CTNNA3: variants seen among roughly 807,000 people sequenced by gnomAD.
CTNNA3 encodes the protein catenin alpha-3.
In CTNNA3, 76 loss-of-function variants were observed where a neutral mutation model predicts 95.7. The observed-to-expected ratio is 0.79, with a 90% confidence interval of 0.66 to 0.96. CTNNA3 has a LOEUF of 0.96. Among genes scored for constraint, CTNNA3 ranks in the 40% least tolerant of loss-of-function variants. The pLI, the probability that CTNNA3 is intolerant of heterozygous loss-of-function variation, is 0.00. For synonymous variants in CTNNA3, 431 were observed against 374.4 expected (o/e 1.15, Z -1.74); for missense variants, 1,191 against 1,089.8 (o/e 1.09, Z -1.31).
intron 5 of CTNNA3, among the ~76,000 whole-genome samples, chr10:67,223,153 CAG>C (rs1263980581): frequency 6.6e-6 from 1 of 152,124 alleles, no homozygotes; most frequent in Non-Finnish European, 1.5e-5. Context: ...GGGCAGGTGG[CAG>C]AGTTTATGTA....
chr10:66,609,774 T>C (rs1175194587), intron 10 of CTNNA3, among the ~76,000 whole-genome samples: 1 of 152,094 alleles, frequency 6.6e-6, no homozygotes, highest in African/African-American at 2.4e-5. Context: ...ATATAAGTCA[T>C]TCTATCATAA....
chr10:67,066,468 G>T (rs552547835), intron 7 of CTNNA3, among the ~76,000 whole-genome samples: 1 of 150,906 alleles, frequency 6.6e-6, no homozygotes, highest in African/African-American at 2.4e-5. Flanking sequence ...TAGAATTGTA[G>T]GTGTGAACCA....
chr10:66,856,859 G>A (rs994548107), intron 7 of CTNNA3, among the ~76,000 whole-genome samples: 1 of 151,946 alleles, frequency 6.6e-6, no homozygotes, highest in Non-Finnish European at 1.5e-5. Context: ...CAGGTTGTCT[G>A]TTTACTCTTT....
intron 15 of CTNNA3, among the ~76,000 whole-genome samples, chr10:65,993,983 C>G (rs940836660): frequency 6.6e-6 from 1 of 152,156 alleles, no homozygotes; most frequent in Non-Finnish European, 1.5e-5. Context: ...ATCTGCCCAC[C>G]TCAGCCTCCC....
chr10:67,301,263 G>T (rs1378628640), intron 5 of CTNNA3, among the ~76,000 whole-genome samples: 1 of 152,096 alleles, frequency 6.6e-6, no homozygotes, highest in East Asian at 1.9e-4. Context: ...AGAAGCCAGG[G>T]ACTCCACAAT....
chr10:66,942,116 T>C (rs1848029919), intron 7 of CTNNA3, among the ~76,000 whole-genome samples: 1 of 152,166 alleles, frequency 6.6e-6, no homozygotes, highest in African/African-American at 2.4e-5. Context: ...TGAGGATAAA[T>C]TGAGATAACA....
intron 12 of CTNNA3, among the ~76,000 whole-genome samples, chr10:66,281,367 T>G (rs1172760260): frequency 6.6e-6 from 1 of 151,898 alleles, no homozygotes; most frequent in African/African-American, 2.4e-5. Flanking sequence ...ATCTCTTCAC[T>G]AGGCTCAAGG....
intron 5 of CTNNA3, among the ~76,000 whole-genome samples, chr10:67,469,353 A>G (rs1042752444): frequency 1.3e-5 from 2 of 152,164 alleles, no homozygotes; most frequent in Non-Finnish European, 2.9e-5. Flanking sequence ...CCTAAAGTTG[A>G]AATCAATTTA....
chr10:66,444,111 G>A (rs1449950472), intron 11 of CTNNA3, among the ~76,000 whole-genome samples: 1 of 152,036 alleles, frequency 6.6e-6, no homozygotes, highest in Non-Finnish European at 1.5e-5. Context: ...AAGTCAGAAG[G>A]GAAGTTTAGA....
chr10:66,365,972 A>G (rs1441860144), intron 12 of CTNNA3, among the ~76,000 whole-genome samples: 1 of 152,180 alleles, frequency 6.6e-6, no homozygotes, highest in Non-Finnish European at 1.5e-5. Flanking sequence ...ACAACCTCAC[A>G]GGAGACCCTG....
At chr10:67,186,196 T>A (rs1178547311) in intron 6 of CTNNA3, among the ~76,000 whole-genome samples, 2 of 152,244 alleles carry the variant, frequency 1.3e-5, no homozygotes, top group African/African-American at 4.8e-5. Context: ...ATTGTGACAA[T>A]AGGAAAAAAC....
At chr10:66,725,195 A>AT (rs1302964884) in intron 9 of CTNNA3, among the ~76,000 whole-genome samples, 3 of 152,040 alleles carry the variant, frequency 2.0e-5, no homozygotes, top group Admixed American at 6.6e-5. Flanking sequence ...ACCTAACCAC[A>AT]TTTTTCATCT....
chr10:66,341,997 T>C (rs1432505906), intron 12 of CTNNA3, among the ~76,000 whole-genome samples: 2 of 151,826 alleles, frequency 1.3e-5, no homozygotes, highest in Non-Finnish European at 2.9e-5. Flanking sequence ...ATATAATTTT[T>C]GAAAAATTAT....
At chr10:66,451,543 G>A (rs1264021200) in intron 11 of CTNNA3, among the ~76,000 whole-genome samples, 4 of 151,952 alleles carry the variant, frequency 2.6e-5, no homozygotes, top group African/African-American at 9.7e-5. Flanking sequence ...TAAAACATAA[G>A]GGTAATTAAT....
intron 1 of CTNNA3, chr10:67,751,297 C>G (rs142285501): frequency 1.2e-5 from 11 of 947,656 alleles, no homozygotes; most frequent in Non-Finnish European, 1.9e-5. Context: ...GACATCTCCA[C>G]TCAAGTCCTA....
intron 11 of CTNNA3, among the ~76,000 whole-genome samples, chr10:66,511,278 A>C (rs1232434609): frequency 6.6e-6 from 1 of 151,496 alleles, no homozygotes; most frequent in Non-Finnish European, 1.5e-5. Flanking sequence ...CTTTTTCTTA[A>C]TCTATATAAT....
intron 7 of CTNNA3, 74 bp downstream of exon 7, chr10:67,180,243 G>A (rs1862454862): frequency 9.7e-6 from 12 of 1,236,396 alleles, no homozygotes; most frequent in South Asian, 3.6e-5. Flanking sequence ...TTTTGTATAC[G>A]GAAAGTATCT....
intron 17 of CTNNA3, among the ~76,000 whole-genome samples, chr10:65,945,471 C>A (rs2077502171): frequency 6.6e-6 from 1 of 152,018 alleles, no homozygotes; most frequent in African/African-American, 2.4e-5. Context: ...TAAGTCCTGC[C>A]CAAGGAAAGA....
chr10:67,697,217 A>G (rs550168540), upstream of CTNNA3, among the ~76,000 whole-genome samples: 1 of 152,328 alleles, frequency 6.6e-6, no homozygotes, highest in South Asian at 2.1e-4. Context: ...ATTTATCTAA[A>G]GATTCTTAGT....
Sources: gnomAD v4.1 joint callset for allele counts (sites outside exome capture counted in the v4.1 genomes callset) on GRCh38, gnomAD v4.1.1 for gene constraint, MANE v1.5 for transcripts, NCBI Gene and HGNC (gene_info 2026-07-23, HGNC 2026-07-21) for gene names.